The following LACTBL1 variants were observed in gnomAD, a reference collection of about 807,000 sequenced individuals.
LACTBL1 encodes the protein beta-lactamase-like protein 1.
Under a neutral mutation model 39.6 loss-of-function variants are expected in LACTBL1, and 29 were observed. The ratio of observed to expected loss-of-function variants is 0.73; its 90% CI spans 0.55 to 1.00. LACTBL1 has a LOEUF of 1.00. Among genes scored for constraint, LACTBL1 ranks in the 50% least tolerant of loss-of-function variants. The pLI, the probability that LACTBL1 is intolerant of heterozygous loss-of-function variation, is 0.00. For missense variants in LACTBL1, 711 were observed against 748.5 expected, an observed-to-expected ratio of 0.95 and a Z score of 0.59; for synonymous variants, 361 against 360.7, an observed-to-expected ratio of 1.00 and a Z score of -0.01.
At position 22,958,932 on chromosome 1, in the gene LACTBL1, TG is replaced by T. The variant is rs1265995321; in HGVS notation, c.318-13del. On this transcript the variant is annotated splice_polypyrimidine_tract_variant and intron_variant, in intron 3 of 5. Coordinates refer to ENST00000426928, the Ensembl canonical transcript of LACTBL1. ...AGATGCTGGAGATCCTAGATAATGTTGGGAATACAAGCAGTCAAAGGGCATC... is the reference window on the plus strand; with the variant it reads ...AGATGCTGGAGATCCTAGATAATGTTGGAATACAAGCAGTCAAAGGGCATC... 4.6e-6 allele frequency: 7 copies of T among 1,533,776 alleles called. No homozygotes were observed. Among genetic ancestry groups the T allele is most frequent in the Non-Finnish European group, 6.2e-6 (7 of 1,134,284 alleles).
chr1:22,969,207 T>A (rs1287666539), upstream of LACTBL1, among the ~76,000 whole-genome samples: 1 of 152,232 alleles, frequency 6.6e-6, no homozygotes, highest in African/African-American at 2.4e-5. Flanking sequence ...ATCTTTCTTT[T>A]CACAGAGGTC....
chr1:22,960,369 A>C (rs1640808238), intron 2 of LACTBL1, among the ~76,000 whole-genome samples: 1 of 152,064 alleles, frequency 6.6e-6, no homozygotes, highest in South Asian at 2.1e-4. Context: ...TAATCTTAGC[A>C]CTTTGGGAAG....
Position 22,958,837 on chromosome 1 carries a change from G to T in LACTBL1, c.401C>A (p.Pro134His), listed in dbSNP as rs760527231. The T allele has an allele frequency of 2.5e-5, 38 of 1,550,550 alleles. No homozygotes were observed. The East Asian group carries it at 6.6e-4, about 27-fold the overall frequency. ...GAAGGTGCTGGCATACCGCTCCAGA[G>T]GGTCATCTAGGGAGGCCACGATGCC... Residue 134 changes from proline (P) to histidine (H), a missense_variant, in exon 4 of 6, where the codon CCT (proline) becomes CAT (histidine). Pro to His is a moderately conservative substitution (Grantham distance 77). Coordinates refer to ENST00000426928, the Ensembl canonical transcript of LACTBL1.
upstream of LACTBL1, among the ~76,000 whole-genome samples, chr1:22,967,295 G>A (rs933634870): frequency 2.6e-5 from 4 of 152,116 alleles, no homozygotes; most frequent in Admixed American, 2.0e-4. Context: ...CTTGAGCCTG[G>A]GAGGTGGAGG....
At chr1:22,967,565 T>TACAC (rs761074956), upstream of LACTBL1, among the ~76,000 whole-genome samples, 19 of 140,944 alleles carry the variant, frequency 1.3e-4, no homozygotes, top group African/African-American at 4.9e-4. Flanking sequence ...TCTCCATATA[T>TACAC]ATACACACAC....
At chr1:22,964,896 G>A (rs1640861729) in intron 1 of LACTBL1, among the ~76,000 whole-genome samples, 1 of 152,210 alleles carries the variant, frequency 6.6e-6, no homozygotes, top group Non-Finnish European at 1.5e-5. Context: ...CCTGTGAGTT[G>A]TTCCTATTGA....
At position 22,960,084 on chromosome 1, in the gene LACTBL1, G is replaced by A. The variant is rs762072024; in HGVS notation, c.175C>T (p.Arg59Cys). The change falls in exon 3 of 6, where the codon CGC becomes TGC. Residue 59 changes from arginine (R) to cysteine (C), a missense_variant. Coordinates refer to ENST00000426928, the Ensembl canonical transcript of LACTBL1. ...ACGCCTGGGGCAGACATTGCCTGGC[G>A]CAGGATCTGGTCCACCTTGAGGGAA... The A allele has an allele frequency of 2.6e-5, 40 of 1,550,600 alleles. No individual in the cohort carries two copies. The East Asian group carries it at 4.6e-4, about 18-fold the overall frequency.
chr1:22,969,886 T>C (rs776546345), upstream of LACTBL1, among the ~76,000 whole-genome samples: 1 of 152,196 alleles, frequency 6.6e-6, no homozygotes, highest in Non-Finnish European at 1.5e-5. Flanking sequence ...CTGGCTCTTA[T>C]GCCTTGGACA....
At chr1:22,955,462 G>T in intron 4 of LACTBL1, 36 bp from the exon 7 acceptor site, 1 of 1,435,704 alleles carries the variant, frequency 7.0e-7, no homozygotes, top group Non-Finnish European at 9.5e-7. Flanking sequence ...ACCGGGCCCG[G>T]CTGAGGGTGG....
At chr1:22,957,911 C>A (rs1640778429) in intron 4 of LACTBL1, among the ~76,000 whole-genome samples, 1 of 152,126 alleles carries the variant, frequency 6.6e-6, no homozygotes, top group African/African-American at 2.4e-5. Flanking sequence ...CTCAACCTTC[C>A]AAAGTGCTGG....
At chr1:22,956,368 C>CA (rs1261111969) in intron 4 of LACTBL1, among the ~76,000 whole-genome samples, 2 of 151,554 alleles carry the variant, frequency 1.3e-5, no homozygotes, top group East Asian at 1.9e-4. Flanking sequence ...GAGACCCTGC[C>CA]AAAAAAAGGA....
At chr1:22,959,004 T>C in intron 3 of LACTBL1, 84 bp from the exon 6 acceptor site, 1 of 859,230 alleles carries the variant, frequency 1.2e-6, no homozygotes, top group South Asian at 1.7e-5. Flanking sequence ...TGCAACTTTT[T>C]AGTGTTCTAG....
chr1:22,972,687 C>T, the LACTBL1 span, among the ~76,000 whole-genome samples: 2 of 152,104 alleles, frequency 1.3e-5, no homozygotes, highest in African/African-American at 2.4e-5. Context: ...CTGTGTGCCC[C>T]GCATTGAATT....
At chr1:22,972,237 A>G in the LACTBL1 span, 3 of 942,452 alleles carry the variant, frequency 3.2e-6, no homozygotes, top group Non-Finnish European at 1.3e-6. Context: ...AGCCAGAAGG[A>G]CGGTGGCATG....
chr1:22,968,046 G>A (rs1030534082), upstream of LACTBL1, among the ~76,000 whole-genome samples: 4 of 152,080 alleles, frequency 2.6e-5, no homozygotes, highest in Non-Finnish European at 4.4e-5. Context: ...AATTATGCAC[G>A]TGTTTATTCT....
exon 6 of LACTBL1, chr1:22,953,878 A>C (rs1028053402): frequency 1.3e-6 from 2 of 1,549,028 alleles, no homozygotes; most frequent in Non-Finnish European, 1.7e-6. Context: ...GCGCGCGCGC[A>C]CGTCGGGCGT....
exon 6 of LACTBL1, chr1:22,953,976 T>C: frequency 1.3e-6 from 2 of 1,548,314 alleles, no homozygotes; most frequent in Non-Finnish European, 1.7e-6. Context: ...CGGTGTGAGC[T>C]GCCAGGACGT....
chr1:22,959,006 G>T, intron 3 of LACTBL1, 86 bp from the exon 6 acceptor site: 1 of 855,644 alleles, frequency 1.2e-6, no homozygotes, highest in Non-Finnish European at 1.8e-6. Context: ...CAACTTTTTA[G>T]TGTTCTAGAA....
At chr1:22,962,706 A>G (rs1434722988) in intron 2 of LACTBL1, among the ~76,000 whole-genome samples, 2 of 151,756 alleles carry the variant, frequency 1.3e-5, no homozygotes, top group Non-Finnish European at 2.9e-5. Flanking sequence ...ACACCTCTCC[A>G]TCCCCAGGGT....
Sources: allele counts gnomAD v4.1 joint callset (sites outside exome capture counted in the v4.1 genomes callset), GRCh38; gene constraint gnomAD v4.1.1; transcripts MANE v1.5; gene names NCBI Gene and HGNC (gene_info 2026-07-23, HGNC 2026-07-21).